Variants in MRAP2 observed in about 807,000 individuals in gnomAD.
The protein encoded by MRAP2 is melanocortin-2 receptor accessory protein 2.
Under a neutral mutation model 17.4 loss-of-function variants are expected in MRAP2, and 20 were observed. The ratio of observed to expected loss-of-function variants is 1.15; its 90% CI spans 0.81 to 1.67. MRAP2 has a LOEUF of 1.67. Among genes scored for constraint, MRAP2 ranks in the 40% most tolerant of loss-of-function variants. The probability of loss-of-function intolerance (pLI) is 0.00; values close to 1 mark genes in which losing one functional copy is unlikely to be tolerated. For synonymous variants in MRAP2, 96 were observed against 88.4 expected (o/e 1.09, Z -0.48); for missense variants, 238 against 240.0 (o/e 0.99, Z 0.05).
At chr6:84,101,893 A>G in the MRAP2 span, among the ~76,000 whole-genome samples, 1 of 152,204 alleles carries the variant, frequency 6.6e-6, no homozygotes. Context: ...GTCCTGTGTC[A>G]TTATCATCAT....
chr6:84,073,870 TTGTGTGTG>T (rs746999407), intron 3 of MRAP2, among the ~76,000 whole-genome samples: 1 of 148,256 alleles, frequency 6.7e-6, no homozygotes, highest in African/African-American at 2.6e-5. Flanking sequence ...TATGAGATAT[TTGTGTGTG>T]TGTGTGTGTG....
chr6:84,065,546 G>A (rs1928281), intron 3 of MRAP2, among the ~76,000 whole-genome samples: 50,118 of 151,994 alleles, frequency 0.33, 10,882 homozygotes, highest in African/African-American at 0.63. Context: ...GGCACAACTC[G>A]TAGAGTGGTC....
At chr6:84,059,558 T>C (rs1268130295) in intron 2 of MRAP2, among the ~76,000 whole-genome samples, 2 of 152,226 alleles carry the variant, frequency 1.3e-5, no homozygotes, top group Non-Finnish European at 2.9e-5. Flanking sequence ...AACCTAGTCC[T>C]ACCCTAGATT....
intron 1 of MRAP2, among the ~76,000 whole-genome samples, chr6:84,048,601 C>T (rs1435622564): frequency 1.3e-5 from 2 of 152,184 alleles, no homozygotes; most frequent in Admixed American, 1.3e-4. Flanking sequence ...CCCAACTCAA[C>T]CATGATAGCA....
At chr6:84,100,317 C>A in the MRAP2 span, among the ~76,000 whole-genome samples, 5 of 152,156 alleles carry the variant, frequency 3.3e-5, no homozygotes, top group African/African-American at 1.2e-4. Context: ...GGCTGGAATG[C>A]AGTGGAACAA....
At chr6:84,084,018 A>C (rs2099499662) in intron 3 of MRAP2, among the ~76,000 whole-genome samples, 1 of 152,306 alleles carries the variant, frequency 6.6e-6, no homozygotes, top group East Asian at 1.9e-4. Flanking sequence ...AGATAATCTT[A>C]TTAAGGCTGT....
At chr6:84,108,392 C>T in the MRAP2 span, among the ~76,000 whole-genome samples, 1 of 151,640 alleles carries the variant, frequency 6.6e-6, no homozygotes. Flanking sequence ...GAGATGGTAT[C>T]TCATTGTGGT....
At chr6:84,097,488 C>T in the MRAP2 span, among the ~76,000 whole-genome samples, 1 of 152,120 alleles carries the variant, frequency 6.6e-6, no homozygotes, top group South Asian at 2.1e-4. Context: ...TCTCAGTTCA[C>T]TGTGTTTCCA....
chr6:84,107,127 G>A, the MRAP2 span, among the ~76,000 whole-genome samples: 1 of 152,058 alleles, frequency 6.6e-6, no homozygotes, highest in South Asian at 2.1e-4. Context: ...AAATGGCAGA[G>A]CAGTCTGTAC....
chr6:84,145,070 TA>T, the MRAP2 span, among the ~76,000 whole-genome samples: 1 of 152,110 alleles, frequency 6.6e-6, no homozygotes, highest in East Asian at 1.9e-4. Context: ...TCGGACAACT[TA>T]AAAAAATACA....
chr6:84,085,135 A>C (rs1226923187), intron 3 of MRAP2, among the ~76,000 whole-genome samples: 1 of 151,200 alleles, frequency 6.6e-6, no homozygotes, highest in African/African-American at 2.4e-5. Flanking sequence ...GCTCACTGCA[A>C]GCTCCACCTC....
intron 3 of MRAP2, among the ~76,000 whole-genome samples, chr6:84,088,297 C>G (rs2099500988): frequency 6.6e-6 from 1 of 152,172 alleles, no homozygotes; most frequent in South Asian, 2.1e-4. Context: ...TCTCAGCTTA[C>G]CTGGGCTCTT....
At chr6:84,078,869 T>C (rs2099498271) in intron 3 of MRAP2, among the ~76,000 whole-genome samples, 1 of 152,224 alleles carries the variant, frequency 6.6e-6, no homozygotes, top group African/African-American at 2.4e-5. Flanking sequence ...CATAAACTTC[T>C]TTTATTTGTA....
the MRAP2 span, among the ~76,000 whole-genome samples, chr6:84,134,917 TATACACAC>T: frequency 4.1e-5 from 3 of 73,570 alleles, no homozygotes; most frequent in African/African-American, 1.4e-4. Context: ...AAAGATCATA[TATACACAC>T]ACACACACAC....
At chr6:84,093,892 G>A (rs2099502210), downstream of MRAP2, among the ~76,000 whole-genome samples, 1 of 152,170 alleles carries the variant, frequency 6.6e-6, no homozygotes, top group African/African-American at 2.4e-5. Context: ...CAGCTTCTTG[G>A]ATCTTCTTTT....
chr6:84,140,874 C>T, the MRAP2 span, among the ~76,000 whole-genome samples: 1 of 152,090 alleles, frequency 6.6e-6, no homozygotes, highest in Non-Finnish European at 1.5e-5. Context: ...AGCAGCAGTT[C>T]CCAGACTTTT....
At chr6:84,066,910 T>C (rs2099494860) in intron 3 of MRAP2, among the ~76,000 whole-genome samples, 2 of 152,206 alleles carry the variant, frequency 1.3e-5, no homozygotes, top group Non-Finnish European at 2.9e-5. Context: ...CCATAAATTA[T>C]TGGGGTACAG....
At chr6:84,128,013 T>A in the MRAP2 span, among the ~76,000 whole-genome samples, 2 of 152,208 alleles carry the variant, frequency 1.3e-5, no homozygotes, top group Non-Finnish European at 2.9e-5. Context: ...AAGCCTTATA[T>A]ATGTTTACTG....
upstream of MRAP2, among the ~76,000 whole-genome samples, chr6:84,033,433 G>T (rs1487447014): frequency 1.3e-5 from 2 of 152,150 alleles, no homozygotes; most frequent in Non-Finnish European, 2.9e-5. Context: ...ACTCAATGCT[G>T]CCGATTTTTC....
Sources: allele counts gnomAD v4.1 joint callset (sites outside exome capture counted in the v4.1 genomes callset), GRCh38; gene constraint gnomAD v4.1.1; transcripts MANE v1.5; gene names NCBI Gene and HGNC (gene_info 2026-07-23, HGNC 2026-07-21).